The following ARHGAP12 variants were observed in gnomAD, a reference collection of about 807,000 sequenced individuals.
ARHGAP12 encodes the protein rho GTPase-activating protein 12.
In ARHGAP12, 64 loss-of-function variants were observed where a neutral mutation model predicts 108.6. That is an observed-to-expected ratio of 0.59 (90% confidence interval 0.48 to 0.73). ARHGAP12 has a LOEUF of 0.73. Among genes scored for constraint, ARHGAP12 ranks in the 30% least tolerant of loss-of-function variants. ARHGAP12 has a pLI of 0.00. For synonymous variants in ARHGAP12, 312 were observed against 337.2 expected (o/e 0.93, Z 0.82); for missense variants, 940 against 1,005.9 (o/e 0.93, Z 0.89).
At chr10:31,838,863 G>A (rs1434031034) in intron 9 of ARHGAP12, among the ~76,000 whole-genome samples, 7 of 150,874 alleles carry the variant, frequency 4.6e-5, no homozygotes, top group Non-Finnish European at 8.8e-5. Flanking sequence ...TTAGCAGAGC[G>A]TGCTGGTGCA....
In ARHGAP12 at chr10:31,807,641, G is replaced by A. The variant is rs754702674; in HGVS notation, c.*17C>T. ...ATGGAATCCAGCTTCTATTCCACAG[G>A]TTGTCTTCAGTAAGAATCAACGTCC... On this transcript the variant is annotated 3_prime_UTR_variant, in exon 20 of 20. Transcript: ENST00000344936. 3.8e-6 allele frequency: 6 copies of A among 1,582,690 alleles called. No homozygotes were observed. The highest frequency in any genetic ancestry group is 5.1e-6 in the Non-Finnish European group (6 of 1,168,510).
intron 1 of ARHGAP12, among the ~76,000 whole-genome samples, chr10:31,920,658 A>G (rs1199096839): frequency 1.3e-5 from 2 of 152,168 alleles, no homozygotes; most frequent in East Asian, 3.9e-4. Flanking sequence ...CACATCAACT[A>G]CAATAAAGTT....
intron 1 of ARHGAP12, among the ~76,000 whole-genome samples, chr10:31,924,502 T>G (rs1839948795): frequency 6.6e-6 from 1 of 152,248 alleles, no homozygotes; most frequent in Non-Finnish European, 1.5e-5. Context: ...TGTAGCCTTC[T>G]GTGTCTGACA....
intron 3 of ARHGAP12, among the ~76,000 whole-genome samples, chr10:31,897,254 C>T (rs568823083): frequency 3.3e-5 from 5 of 152,254 alleles, no homozygotes; most frequent in African/African-American, 9.6e-5. Context: ...TTACCAGAGC[C>T]TTATCTGACC....
At chr10:31,909,215 C>T (rs1839256412) in intron 2 of ARHGAP12, among the ~76,000 whole-genome samples, 1 of 152,108 alleles carries the variant, frequency 6.6e-6, no homozygotes, top group South Asian at 2.1e-4. Context: ...GAAGAACTTT[C>T]CTTCCTTTCA....
chr10:31,818,891 C>T (rs535742638), intron 12 of ARHGAP12, among the ~76,000 whole-genome samples: 2 of 152,122 alleles, frequency 1.3e-5, no homozygotes, highest in South Asian at 4.2e-4. Flanking sequence ...TCTTGATTTA[C>T]CTTTTGAAAC....
intron 9 of ARHGAP12, among the ~76,000 whole-genome samples, chr10:31,832,938 T>C (rs1431137259): frequency 6.6e-6 from 1 of 152,204 alleles, no homozygotes; most frequent in African/African-American, 2.4e-5. Flanking sequence ...TATTGTAATT[T>C]TTTCATAAAG....
intron 3 of ARHGAP12, among the ~76,000 whole-genome samples, chr10:31,867,117 T>TG (rs1326637902): frequency 1.3e-5 from 2 of 150,016 alleles, no homozygotes; most frequent in Non-Finnish European, 2.9e-5. Context: ...TTCTTTTTTT[T>TG]GTTTTTTTTT....
intron 8 of ARHGAP12, 47 bp downstream of exon 8, chr10:31,839,590 T>C (rs769864693): frequency 2.0e-6 from 3 of 1,480,002 alleles, no homozygotes; most frequent in South Asian, 1.3e-5. Flanking sequence ...CTAAAATTGA[T>C]TGAAATAACT....
intron 3 of ARHGAP12, among the ~76,000 whole-genome samples, chr10:31,864,048 TATAAC>T (rs1472949028): frequency 6.6e-6 from 1 of 152,156 alleles, no homozygotes; most frequent in Non-Finnish European, 1.5e-5. Context: ...ATATCTCACT[TATAAC>T]TAACTGCCAA....
At chr10:31,837,720 T>C (rs2132223181) in intron 9 of ARHGAP12, among the ~76,000 whole-genome samples, 1 of 152,070 alleles carries the variant, frequency 6.6e-6, no homozygotes, top group South Asian at 2.1e-4. Flanking sequence ...GGAGAAAGAG[T>C]TAGAAAAATG....
chr10:31,924,815 C>A lies in ARHGAP12; in HGVS notation c.-111+3868G>T, dbSNP rs1464409420. Among the ~76,000 whole-genome samples the A allele has an allele frequency of 3.3e-5, 5 of 152,024 alleles. No individual in the cohort carries two copies. The South Asian group carries it at 1.0e-3, about 32-fold the overall frequency. ...ATTTATCAGCTCTCAGGACCCTAGG[C>A]ACCTTAACTTGCCTGTAAAACAAAG... is the stretch of plus-strand genomic sequence containing the variant. On this transcript the variant is annotated intron_variant, in intron 1 of 19. Transcript: ENST00000344936.
chr10:31,810,571 A>C, intron 16 of ARHGAP12, 78 bp downstream of exon 16: 3 of 1,018,002 alleles, frequency 2.9e-6, no homozygotes, highest in Non-Finnish European at 4.3e-6. Context: ...AAATCATAAA[A>C]ATTCTAGGAA....
intron 19 of ARHGAP12, 45 bp from the exon 20 acceptor site, chr10:31,807,877 G>C: frequency 7.3e-7 from 1 of 1,367,788 alleles, no homozygotes; most frequent in Non-Finnish European, 9.7e-7. Context: ...ATAAGAGAGA[G>C]GGAAAATTCT....
intron 3 of ARHGAP12, among the ~76,000 whole-genome samples, chr10:31,898,779 G>A (rs1213151561): frequency 1.3e-5 from 2 of 152,160 alleles, no homozygotes; most frequent in Non-Finnish European, 2.9e-5. Context: ...TCTAGCCTGG[G>A]TGTGGAGGAG....
chr10:31,829,891 A>G (rs1372743339), intron 10 of ARHGAP12, among the ~76,000 whole-genome samples: 1 of 152,186 alleles, frequency 6.6e-6, no homozygotes, highest in Non-Finnish European at 1.5e-5. Context: ...TCCATTTTCC[A>G]CCTTTAGTTG....
intron 3 of ARHGAP12, among the ~76,000 whole-genome samples, chr10:31,881,361 A>T (rs993011667): frequency 1.3e-5 from 2 of 152,208 alleles, no homozygotes; most frequent in African/African-American, 4.8e-5. Context: ...TAAGAGGCCA[A>T]CACGGAACAC....
At chr10:31,920,566 C>T (rs1039341467) in intron 1 of ARHGAP12, among the ~76,000 whole-genome samples, 4 of 150,700 alleles carry the variant, frequency 2.7e-5, no homozygotes, top group African/African-American at 9.8e-5. Context: ...AAAAAATCCA[C>T]GATTTGTAAG....
chr10:31,869,950 A>G lies in ARHGAP12; in HGVS notation c.685-8292T>C, dbSNP rs188788838. ...ACACCTCTTGCTTCTTAATCAGCACATGCTACTTAGTATTAATACCTGGGT... is the reference window on the plus strand; with the variant it reads ...ACACCTCTTGCTTCTTAATCAGCACGTGCTACTTAGTATTAATACCTGGGT... On this transcript the variant is annotated intron_variant, in intron 3 of 19. Transcript: ENST00000344936. Among the ~76,000 whole-genome samples, 621 of 152,280 alleles carry G rather than the reference A, an allele frequency of 4.1e-3. 2 individuals carry two copies. Among genetic ancestry groups the G allele is most frequent in the Non-Finnish European group, 6.4e-3 (436 of 68,014 alleles).
Sources: gnomAD v4.1 joint callset for allele counts (sites outside exome capture counted in the v4.1 genomes callset) on GRCh38, gnomAD v4.1.1 for gene constraint, MANE v1.5 for transcripts, NCBI Gene and HGNC (gene_info 2026-07-23, HGNC 2026-07-21) for gene names.